Variants in SUCLG2 observed in about 807,000 individuals in gnomAD.
The protein encoded by SUCLG2 is succinate-CoA ligase GDP-forming subunit beta, also known as succinate--CoA ligase [GDP-forming] subunit beta, mitochondrial.
SUCLG2 carries 42 observed loss-of-function variants against 47.9 expected under a neutral mutation model. The ratio of observed to expected loss-of-function variants is 0.88; its 90% CI spans 0.69 to 1.14. The LOEUF (loss-of-function observed/expected upper bound fraction) is 1.14, where lower values mean the gene tolerates loss of function less well. Among genes scored for constraint, SUCLG2 ranks in the 50% most tolerant of loss-of-function variants. The pLI is 0.00. For synonymous variants in SUCLG2, 195 were observed against 197.3 expected, an observed-to-expected ratio of 0.99 and a Z score of 0.10; for missense variants, 571 against 525.9, an observed-to-expected ratio of 1.09 and a Z score of -0.84.
intron 9 of SUCLG2, among the ~76,000 whole-genome samples, chr3:67,444,061 G>A (rs1265043355): frequency 8.6e-6 from 1 of 116,032 alleles, no homozygotes; most frequent in Non-Finnish European, 1.9e-5. Flanking sequence ...GAGGGAGGTG[G>A]AGGGGTCAGC....
intron 9 of SUCLG2, among the ~76,000 whole-genome samples, chr3:67,460,512 A>G (rs945816303): frequency 2.0e-5 from 3 of 152,136 alleles, no homozygotes; most frequent in South Asian, 2.1e-4. Context: ...AAGGTCATAC[A>G]CTTCAGGAGG....
intron 2 of SUCLG2, among the ~76,000 whole-genome samples, chr3:67,557,372 T>G (rs1707190509): frequency 6.6e-6 from 1 of 152,194 alleles, no homozygotes; most frequent in Admixed American, 6.5e-5. Context: ...AAATTTATAT[T>G]CCATAAACAT....
chr3:67,451,582 G>C lies in SUCLG2; in HGVS notation c.1062+44216C>G, dbSNP rs1322103792. On this transcript the variant is annotated intron_variant, in intron 9 of 10. Coordinates refer to ENST00000307227, the MANE Select transcript of SUCLG2 (RefSeq NM_003848.4). ...CTTTTCTGGTGTCTTGAGTTCTTCA[G>C]CTCAATCATCAATGGAAGGATATTC... 4.0e-5 allele frequency among the ~76,000 whole-genome samples: 6 copies of C among 151,796 alleles called. No individual in the cohort carries two copies. The East Asian group carries it at 1.2e-3, about 29-fold the overall frequency.
chr3:67,407,341 G>C (rs1260250216), intron 9 of SUCLG2, among the ~76,000 whole-genome samples: 1 of 152,064 alleles, frequency 6.6e-6, no homozygotes, highest in South Asian at 2.1e-4. Context: ...ACATTACGTT[G>C]TCTTTCTTTG....
At chr3:67,568,124 T>C (rs1011545270) in intron 2 of SUCLG2, among the ~76,000 whole-genome samples, 3 of 152,224 alleles carry the variant, frequency 2.0e-5, no homozygotes, top group Non-Finnish European at 4.4e-5. Context: ...TTAGAGTCAC[T>C]GAACTGGTTA....
At chr3:67,528,851 T>G (rs984002074) in intron 3 of SUCLG2, among the ~76,000 whole-genome samples, 3 of 152,160 alleles carry the variant, frequency 2.0e-5, no homozygotes, top group African/African-American at 7.2e-5. Context: ...AATCATTGAT[T>G]GTTTAGGACA....
chr3:67,378,629 T>A (rs1702087047), intron 10 of SUCLG2, among the ~76,000 whole-genome samples: 1 of 152,312 alleles, frequency 6.6e-6, no homozygotes, highest in East Asian at 1.9e-4. Context: ...AGTGAGAGGA[T>A]CCACCTAAGC....
rs192205713 is a variant in SUCLG2 at position 67,445,133 on chromosome 3, T to A, written c.1063-44282A>T. 2.0e-4 allele frequency among the ~76,000 whole-genome samples: 13 copies of A among 64,090 alleles called. 4 individuals are homozygous for A. Among genetic ancestry groups the A allele is most frequent in the Non-Finnish European group, 3.5e-4 (10 of 28,826 alleles). The allele number at this position is 64,090 out of a possible 152,430, so 42.0% of individuals were successfully genotyped here. On this transcript the variant is annotated intron_variant, in intron 9 of 10. Transcript: ENST00000307227. ...CTGGGAGGTGAGCCCAACCGCTCAT[T>A]GAGAACGGGCCAGGATGACAATGGC...
intron 9 of SUCLG2, among the ~76,000 whole-genome samples, chr3:67,483,448 T>A (rs1704971151): frequency 6.6e-6 from 1 of 152,192 alleles, no homozygotes; most frequent in African/African-American, 2.4e-5. Flanking sequence ...GACAAATCTA[T>A]CAGAAATAAC....
At chr3:67,483,929 T>C (rs1704982713) in intron 9 of SUCLG2, among the ~76,000 whole-genome samples, 1 of 152,212 alleles carries the variant, frequency 6.6e-6, no homozygotes, top group Admixed American at 6.5e-5. Flanking sequence ...TGAGTCTCCC[T>C]AGAACCAAGC....
chr3:67,542,112 G>A lies in SUCLG2; in HGVS notation c.227-12926C>T, dbSNP rs188025138. On this transcript the variant is annotated intron_variant, in intron 2 of 10. Transcript: ENST00000307227. ...TGGTCTCAAACTCCCAACCTCAGGTGATCCACCCACCTCAGCCTCCCAAAG... is the reference window on the plus strand; with the variant it reads ...TGGTCTCAAACTCCCAACCTCAGGTAATCCACCCACCTCAGCCTCCCAAAG... Among the ~76,000 whole-genome samples, 8 of 152,088 alleles carry A rather than the reference G, an allele frequency of 5.3e-5. No individual in the cohort carries two copies. The East Asian group carries it at 1.4e-3, about 26-fold the overall frequency.
chr3:67,368,675 G>A (rs1426717836), intron 10 of SUCLG2, among the ~76,000 whole-genome samples: 2 of 151,788 alleles, frequency 1.3e-5, no homozygotes, highest in African/African-American at 4.8e-5. Context: ...GCACAATCTT[G>A]GCTCACTGAA....
chr3:67,470,646 C>A (rs2106983840), intron 9 of SUCLG2, among the ~76,000 whole-genome samples: 2 of 152,296 alleles, frequency 1.3e-5, no homozygotes, highest in Non-Finnish European at 2.9e-5. Context: ...TCACTTTCTG[C>A]CATGGGATAA....
chr3:67,496,013 C>T, intron 8 of SUCLG2, 73 bp from the exon 9 acceptor site: 2 of 1,574,674 alleles, frequency 1.3e-6, no homozygotes, highest in Non-Finnish European at 1.7e-6. Context: ...ATTTTCCCTC[C>T]CCCATATTGC....
intron 9 of SUCLG2, among the ~76,000 whole-genome samples, chr3:67,452,288 A>G (rs569954600): frequency 2.0e-5 from 3 of 152,350 alleles, no homozygotes; most frequent in Middle Eastern, 3.4e-3. Context: ...AATAAAAAGC[A>G]TAAGTTATCA....
rs1701876191 is a variant in SUCLG2 at position 67,366,414 on chromosome 3, T to C, written c.1184-5646A>G. On this transcript the variant is annotated intron_variant, in intron 10 of 10. Coordinates refer to the SUCLG2 transcript ENST00000493112. ...CATTGCTTCTCCAAGTCCTGTCCAG[T>C]TCAAGTGAGTAGTTCTAAGCATGTC... 2.6e-5 allele frequency among the ~76,000 whole-genome samples: 4 copies of C among 152,164 alleles called. No individual in the cohort carries two copies. The South Asian group carries it at 8.3e-4, about 31-fold the overall frequency.
At chr3:67,509,046 T>C (rs1705716666) in intron 6 of SUCLG2, 143 bp from the exon 7 acceptor site, 2 of 615,194 alleles carry the variant, frequency 3.3e-6, no homozygotes, top group East Asian at 5.9e-5. Flanking sequence ...AAAGCATAAT[T>C]ATTTTAATTT....
At chr3:67,547,840 G>A (rs960309514) in intron 2 of SUCLG2, among the ~76,000 whole-genome samples, 3 of 152,110 alleles carry the variant, frequency 2.0e-5, no homozygotes, top group African/African-American at 7.2e-5. Context: ...GATCCATGAA[G>A]CCAGGGAGAG....
At chr3:67,418,749 C>T (rs569709305) in intron 9 of SUCLG2, among the ~76,000 whole-genome samples, 4 of 152,148 alleles carry the variant, frequency 2.6e-5, no homozygotes, top group Admixed American at 2.6e-4. Context: ...GTTCCTGGAG[C>T]CCATACCATC....
Sources: allele counts gnomAD v4.1 joint callset (sites outside exome capture counted in the v4.1 genomes callset), GRCh38; gene constraint gnomAD v4.1.1; transcripts MANE v1.5; gene names NCBI Gene and HGNC (gene_info 2026-07-23, HGNC 2026-07-21).